The following NKAIN3 variants were observed in gnomAD, a reference collection of about 807,000 sequenced individuals.
NKAIN3 encodes sodium/potassium transporting ATPase interacting 3.
NKAIN3 carries 25 observed loss-of-function variants against 30.2 expected under a neutral mutation model. The observed-to-expected ratio is 0.83, with a 90% CI of 0.60 to 1.16. The LOEUF is 1.16. Among genes scored for constraint, NKAIN3 ranks in the 50% most tolerant of loss-of-function variants. NKAIN3 has a pLI of 0.00. For missense variants in NKAIN3, 225 were observed against 254.1 expected, an observed-to-expected ratio of 0.89 and a Z score of 0.78; for synonymous variants, 91 against 89.6, an observed-to-expected ratio of 1.02 and a Z score of -0.09.
chr8:62,373,649 G>A (rs1816977865), intron 1 of NKAIN3, among the ~76,000 whole-genome samples: 1 of 151,952 alleles, frequency 6.6e-6, no homozygotes, highest in Non-Finnish European at 1.5e-5. Context: ...GGCAAGCAAA[G>A]CAAGTCAAAC....
intron 5 of NKAIN3, among the ~76,000 whole-genome samples, chr8:62,996,427 T>G (rs779338717): frequency 4.6e-5 from 7 of 152,078 alleles, no homozygotes; most frequent in Non-Finnish European, 8.8e-5. Flanking sequence ...GGGATTACAA[T>G]TCAAGAAGAG....
chr8:62,303,315 A>G (rs1410028143), intron 1 of NKAIN3, among the ~76,000 whole-genome samples: 1 of 150,472 alleles, frequency 6.6e-6, no homozygotes, highest in Non-Finnish European at 1.5e-5. Context: ...ATGGCTCTTG[A>G]AAAACAGCCA....
At chr8:62,879,820 G>T (rs905829596) in intron 4 of NKAIN3, among the ~76,000 whole-genome samples, 3 of 152,170 alleles carry the variant, frequency 2.0e-5, no homozygotes, top group African/African-American at 7.2e-5. Flanking sequence ...GTATTGCAGT[G>T]TCTGAAGAGA....
At chr8:62,562,392 A>G (rs1809615544) in intron 1 of NKAIN3, among the ~76,000 whole-genome samples, 1 of 152,174 alleles carries the variant, frequency 6.6e-6, no homozygotes, top group Non-Finnish European at 1.5e-5. Flanking sequence ...CTTTTCATTA[A>G]TGATAAATGT....
intron 3 of NKAIN3, among the ~76,000 whole-genome samples, chr8:62,717,422 G>A (rs1814942512): frequency 6.6e-6 from 1 of 151,630 alleles, no homozygotes; most frequent in African/African-American, 2.4e-5. Context: ...TATAAGACTG[G>A]TATTGTAACA....
chr8:62,986,541 G>A (rs898376597), downstream of NKAIN3, among the ~76,000 whole-genome samples: 8 of 152,062 alleles, frequency 5.3e-5, no homozygotes, highest in East Asian at 3.9e-4. Flanking sequence ...CATCAAGCAC[G>A]ACACATATTA....
At chr8:62,819,483 T>C (rs1450758847) in intron 4 of NKAIN3, among the ~76,000 whole-genome samples, 1 of 152,044 alleles carries the variant, frequency 6.6e-6, no homozygotes, top group Non-Finnish European at 1.5e-5. Flanking sequence ...CAGATTCAGA[T>C]TATTTAGCGC....
intron 1 of NKAIN3, among the ~76,000 whole-genome samples, chr8:62,552,003 A>G (rs191442120): frequency 7.3e-4 from 111 of 152,292 alleles, no homozygotes; most frequent in Middle Eastern, 3.4e-3. Flanking sequence ...CCTTTCCATT[A>G]TGTTCTTTAT....
chr8:62,668,709 A>G (rs1305233623), intron 3 of NKAIN3, among the ~76,000 whole-genome samples: 1 of 152,210 alleles, frequency 6.6e-6, no homozygotes, highest in Non-Finnish European at 1.5e-5. Context: ...GGTGAAGGAA[A>G]GAGATATAAG....
intron 1 of NKAIN3, among the ~76,000 whole-genome samples, chr8:62,255,314 A>G (rs1812231794): frequency 6.6e-6 from 1 of 152,196 alleles, no homozygotes; most frequent in African/African-American, 2.4e-5. Context: ...TGAGCTAGAG[A>G]GACAGTAGAC....
At chr8:62,486,632 T>A (rs1477880488) in intron 1 of NKAIN3, among the ~76,000 whole-genome samples, 1 of 152,162 alleles carries the variant, frequency 6.6e-6, no homozygotes. Context: ...GAAAAAGTAA[T>A]ACCCTTTATT....
chr8:62,384,399 A>T (rs1479741724), intron 1 of NKAIN3, among the ~76,000 whole-genome samples: 1 of 152,204 alleles, frequency 6.6e-6, no homozygotes, highest in Non-Finnish European at 1.5e-5. Context: ...TTAAGTTTCA[A>T]TAAATATTAA....
chr8:62,943,701 A>G (rs191651128), intron 5 of NKAIN3, among the ~76,000 whole-genome samples: 1,864 of 149,644 alleles, frequency 0.012, 38 homozygotes, highest in African/African-American at 0.044. Context: ...GTGTGTGTGT[A>G]TATATATAAA....
chr8:62,639,683 A>T (rs1812247396), intron 3 of NKAIN3, among the ~76,000 whole-genome samples: 1 of 152,158 alleles, frequency 6.6e-6, no homozygotes, highest in Non-Finnish European at 1.5e-5. Flanking sequence ...GTGGATTAGA[A>T]GTGATAAAAA....
chr8:62,691,618 G>T (rs569269274), intron 3 of NKAIN3, among the ~76,000 whole-genome samples: 2 of 152,116 alleles, frequency 1.3e-5, no homozygotes, highest in Non-Finnish European at 2.9e-5. Flanking sequence ...TTCTAAAATC[G>T]TTAATAAGGC....
At chr8:62,263,256 G>C (rs546504008) in intron 1 of NKAIN3, among the ~76,000 whole-genome samples, 8 of 152,144 alleles carry the variant, frequency 5.3e-5, no homozygotes, top group Admixed American at 2.0e-4. Context: ...CTACCAAATA[G>C]AGGTTTAAAA....
chr8:62,436,746 C>T (rs911119047), intron 1 of NKAIN3, among the ~76,000 whole-genome samples: 5 of 151,966 alleles, frequency 3.3e-5, no homozygotes, highest in South Asian at 2.1e-4. Flanking sequence ...TTATGCATTA[C>T]GGAATCAGAC....
chr8:62,315,216 G>A (rs1039677954), intron 1 of NKAIN3, among the ~76,000 whole-genome samples: 1 of 152,146 alleles, frequency 6.6e-6, no homozygotes, highest in African/African-American at 2.4e-5. Context: ...GGAAAATCTT[G>A]TCTAAAATGG....
chr8:62,965,923 T>C lies in NKAIN3; in HGVS notation c.*516T>C. On this transcript the variant is annotated 3_prime_UTR_variant, in exon 7 of 7. Transcript: ENST00000623646. ...CTTTTGGATTGAATATGGGTCATTT[T>C]TTCAACAGCATAAAACAAAACATGG... 1.0e-6 allele frequency: 1 copy of C among 985,360 alleles called. No homozygotes were observed. The highest frequency in any genetic ancestry group is 1.2e-6 in the Non-Finnish European group (1 of 829,852). The allele number at this position is 985,360 out of a possible 1,614,324, so 61.0% of individuals were successfully genotyped here.
Sources: allele counts gnomAD v4.1 joint callset (sites outside exome capture counted in the v4.1 genomes callset), GRCh38; gene constraint gnomAD v4.1.1; transcripts MANE v1.5; gene names NCBI Gene and HGNC (gene_info 2026-07-23, HGNC 2026-07-21).